Variants in SPEN observed in about 807,000 individuals in gnomAD.
SPEN encodes the protein spen family transcriptional repressor, also known as msx2-interacting protein.
In SPEN, 18 loss-of-function variants were observed where a neutral mutation model predicts 269.9. That is an observed-to-expected ratio of 0.07 (90% CI 0.05 to 0.10). The LOEUF (loss-of-function observed/expected upper bound fraction) is 0.10, where lower values mean the gene tolerates loss of function less well. SPEN is among the 10% of genes least tolerant of loss of function. The probability of loss-of-function intolerance (pLI) is 1.00; values close to 1 mark genes in which losing one functional copy is unlikely to be tolerated. For synonymous variants in SPEN, 1,726 were observed against 1,765.7 expected (o/e 0.98, Z 0.56); for missense variants, 3,822 against 4,631.2 (o/e 0.83, Z 5.07).
At chr1:15,854,566 C>T (rs55799535) in intron 1 of SPEN, among the ~76,000 whole-genome samples, 2,230 of 152,128 alleles carry the variant, frequency 0.015, 46 homozygotes, top group African/African-American at 0.05. Context: ...CGGCTCACCG[C>T]GACCTCTGCC....
At chr1:15,885,810 C>CT (rs34728168) in intron 3 of SPEN, among the ~76,000 whole-genome samples, 1,692 of 152,254 alleles carry the variant, frequency 0.011, 25 homozygotes, top group African/African-American at 0.038. Flanking sequence ...CAAAAAAACC[C>CT]TTTTTTTCCC....
chr1:15,882,039 G>T (rs1299118992), intron 3 of SPEN, among the ~76,000 whole-genome samples: 1 of 152,042 alleles, frequency 6.6e-6, no homozygotes, highest in Non-Finnish European at 1.5e-5. Flanking sequence ...TTGCTAGTGG[G>T]GTATTTCAGA....
intron 8 of SPEN, among the ~76,000 whole-genome samples, chr1:15,920,629 G>C (rs2071109087): frequency 6.6e-6 from 1 of 151,832 alleles, no homozygotes; most frequent in Non-Finnish European, 1.5e-5. Context: ...GTAAAATACA[G>C]AAGAACAAAA....
In SPEN at chr1:15,928,009, G is replaced by T; in HGVS notation, c.1851-82G>T. Reference sequence around the variant, plus strand: ...ATGTCAAAAGATTTTTTAGAAGCAGGAATTTCTGATTTCATATGTATGATT... The same window carrying T: ...ATGTCAAAAGATTTTTTAGAAGCAGTAATTTCTGATTTCATATGTATGATT... On this transcript the variant is annotated intron_variant, in intron 10 of 14. Coordinates refer to ENST00000375759, the MANE Select transcript of SPEN (RefSeq NM_015001.3). The surrounding 1 kb of genome is among the most constrained non-coding windows in gnomAD (Gnocchi z 5.7). 1 of 1,285,340 alleles carries T rather than the reference G, an allele frequency of 7.8e-7. No homozygotes were observed. Among genetic ancestry groups the T allele is most frequent in the Non-Finnish European group, 1.1e-6 (1 of 934,480 alleles). 79.6% of individuals were successfully genotyped at this position (1,285,340 alleles called of 1,614,324 possible).
intron 3 of SPEN, among the ~76,000 whole-genome samples, chr1:15,901,165 C>A (rs1190971534): frequency 6.7e-6 from 1 of 148,424 alleles, no homozygotes; most frequent in South Asian, 2.1e-4. Flanking sequence ...CCAGCCTGGG[C>A]AACATAGTAA....
intron 3 of SPEN, among the ~76,000 whole-genome samples, chr1:15,893,596 T>TAA (rs1331157439): frequency 6.6e-6 from 1 of 152,116 alleles, no homozygotes; most frequent in Non-Finnish European, 1.5e-5. Flanking sequence ...GCAACTGCCC[T>TAA]AATGGAGAGT....
intron 1 of SPEN, among the ~76,000 whole-genome samples, chr1:15,863,934 A>G (rs192826664): frequency 1.3e-5 from 2 of 152,338 alleles, no homozygotes; most frequent in Admixed American, 6.5e-5. Context: ...GTCGATGACC[A>G]ATGAATAGAT....
chr1:15,898,319 C>A (rs2148722607), intron 3 of SPEN, among the ~76,000 whole-genome samples: 1 of 151,960 alleles, frequency 6.6e-6, no homozygotes, highest in South Asian at 2.1e-4. Flanking sequence ...AGAACTTTTT[C>A]ATCTTCCTCA....
At chr1:15,916,041 T>A (rs2071064069) in intron 5 of SPEN, 87 bp from the exon 6 acceptor site, 1 of 1,444,708 alleles carries the variant, frequency 6.9e-7, no homozygotes, top group Admixed American at 2.4e-5. Flanking sequence ...AGACATTTTG[T>A]TTTTTAAATG....
intron 1 of SPEN, among the ~76,000 whole-genome samples, chr1:15,859,545 A>G (rs532261823): frequency 2.5e-4 from 37 of 150,870 alleles, no homozygotes; most frequent in African/African-American, 8.3e-4. Context: ...AATTTTTTGT[A>G]TTTTTAGTAG....
intron 10 of SPEN, among the ~76,000 whole-genome samples, chr1:15,924,752 G>A (rs1367637857): frequency 1.3e-5 from 2 of 152,214 alleles, no homozygotes; most frequent in Non-Finnish European, 2.9e-5. Context: ...GAGCCACCAC[G>A]CTTGGCCAAA....
rs530160543 is a variant in SPEN, at chr1:15,860,964, G to C, written c.84-11852G>C. ...CTGTGGCCCAGGCTGGAGAGCAGTG[G>C]CACGGTCTTGGCTCACTGCAATCTC... On this transcript the variant is annotated intron_variant, in intron 1 of 14. Coordinates refer to ENST00000375759, the MANE Select transcript of SPEN (RefSeq NM_015001.3). Among the ~76,000 whole-genome samples, 3 of 151,994 alleles carry C rather than the reference G, an allele frequency of 2.0e-5. No individual in the cohort carries two copies. The East Asian group carries it at 5.8e-4, about 30-fold the overall frequency.
chr1:15,936,775 T>TA (rs1228148798), intron 11 of SPEN, among the ~76,000 whole-genome samples: 4 of 152,138 alleles, frequency 2.6e-5, no homozygotes, highest in African/African-American at 9.7e-5. Context: ...TGTCCCTACT[T>TA]AAAGAAAAAG....
rs779088073 is a variant in SPEN, at chr1:15,934,061, G to A, written c.7821G>A (p.Lys2607=). ...CGGAGGTGCTGGTAGCTGCTGACAA[G>A]GAAAAGGTGGCTCCAGTCATTGCTC... The part of the protein sequence containing the change: ...QASEVLVAAD[K]EKVAPVIAPK... The change falls in exon 11 of 15, where the codon AAG becomes AAA. Residue 2607 remains lysine (K), a synonymous_variant. Coordinates refer to ENST00000375759, the MANE Select transcript of SPEN (RefSeq NM_015001.3). The surrounding 1 kb of genome is among the most constrained non-coding windows in gnomAD (Gnocchi z 9.2). The A allele has an allele frequency of 3.1e-6, 5 of 1,611,048 alleles. No individual in the cohort carries two copies. Among genetic ancestry groups the A allele is most frequent in the Non-Finnish European group, 4.2e-6 (5 of 1,177,678 alleles).
At chr1:15,910,258 A>G (rs893544638) in intron 4 of SPEN, among the ~76,000 whole-genome samples, 3 of 152,094 alleles carry the variant, frequency 2.0e-5, no homozygotes, top group African/African-American at 7.2e-5. Flanking sequence ...TAATTTAGAA[A>G]TGGACAAGGG....
At chr1:15,856,212 G>A (rs183747587) in intron 1 of SPEN, among the ~76,000 whole-genome samples, 241 of 151,632 alleles carry the variant, frequency 1.6e-3, no homozygotes, top group African/African-American at 4.7e-3. Context: ...GCATGGTCTC[G>A]ATCTCCTGAC....
intron 9 of SPEN, among the ~76,000 whole-genome samples, chr1:15,922,033 T>G (rs1279677708): frequency 6.6e-6 from 1 of 152,210 alleles, no homozygotes; most frequent in Non-Finnish European, 1.5e-5. Context: ...GGTTTGAAAC[T>G]TTATAAATTT....
At chr1:15,861,752 C>T (rs548651552) in intron 1 of SPEN, among the ~76,000 whole-genome samples, 2 of 151,832 alleles carry the variant, frequency 1.3e-5, no homozygotes, top group Non-Finnish European at 2.9e-5. Context: ...GCTGAAATAA[C>T]AGGACTGGGC....
At chr1:15,852,699 A>G (rs917966013) in intron 1 of SPEN, among the ~76,000 whole-genome samples, 1 of 152,130 alleles carries the variant, frequency 6.6e-6, no homozygotes, top group Admixed American at 6.6e-5. Context: ...TTTATGGGAC[A>G]TTTTAAATCC....
Sources: allele counts gnomAD v4.1 joint callset (sites outside exome capture counted in the v4.1 genomes callset), GRCh38; gene constraint gnomAD v4.1.1; non-coding constraint Gnocchi (gnomAD v3.1); transcripts MANE v1.5; gene names NCBI Gene and HGNC (gene_info 2026-07-23, HGNC 2026-07-21).